Variants in BSDC1 observed in about 807,000 individuals in gnomAD.
BSDC1 encodes BSD domain containing 1, also known as BSD domain-containing protein 1.
A neutral mutation model predicts 56.0 loss-of-function variants in BSDC1; 29 were observed. That is an observed-to-expected ratio of 0.52 (90% CI 0.39 to 0.71). BSDC1 has a LOEUF of 0.71. Among genes scored for constraint, BSDC1 ranks in the 30% least tolerant of loss-of-function variants. The pLI, the probability that BSDC1 is intolerant of heterozygous loss-of-function variation, is 0.00. For synonymous variants in BSDC1, 210 were observed against 215.3 expected (o/e 0.98, Z 0.21); for missense variants, 477 against 548.5 (o/e 0.87, Z 1.30).
intron 10 of BSDC1, chr1:32,367,452 G>C: frequency 1.0e-6 from 1 of 985,344 alleles, no homozygotes; most frequent in Non-Finnish European, 1.2e-6. Flanking sequence ...CTCCCCCAAG[G>C]CTTCAGTTTC....
chr1:32,370,445 G>A (rs916733742), intron 9 of BSDC1, among the ~76,000 whole-genome samples: 3 of 152,034 alleles, frequency 2.0e-5, no homozygotes, highest in Admixed American at 6.6e-5. Context: ...ACACATAGTT[G>A]GCACTCAATA....
At chr1:32,376,015 C>A (rs1292214072) in intron 9 of BSDC1, among the ~76,000 whole-genome samples, 2 of 152,184 alleles carry the variant, frequency 1.3e-5, no homozygotes, top group Non-Finnish European at 2.9e-5. Context: ...AGCATGGGAT[C>A]TGGCATCAAA....
intron 9 of BSDC1, among the ~76,000 whole-genome samples, chr1:32,369,825 C>G (rs1382630793): frequency 6.6e-6 from 1 of 152,164 alleles, no homozygotes; most frequent in African/African-American, 2.4e-5. Flanking sequence ...CAGAGTCTCG[C>G]TCTGTCACCC....
intron 9 of BSDC1, chr1:32,369,335 G>T: frequency 1.6e-6 from 2 of 1,287,010 alleles, no homozygotes; most frequent in Non-Finnish European, 2.0e-6. Context: ...CTGAGACCTT[G>T]TCTCTAGAAA....
intron 9 of BSDC1, among the ~76,000 whole-genome samples, chr1:32,369,592 C>T (rs955498211): frequency 1.8e-4 from 28 of 152,330 alleles, no homozygotes; most frequent in African/African-American, 6.7e-4. Context: ...AATCTTGTTC[C>T]TCCAGAAACA....
chr1:32,385,776 T>C (rs1642642756), intron 3 of BSDC1, among the ~76,000 whole-genome samples: 1 of 152,070 alleles, frequency 6.6e-6, no homozygotes, highest in Non-Finnish European at 1.5e-5. Flanking sequence ...GAAAATAAGT[T>C]GGTACAACAT....
intron 10 of BSDC1, chr1:32,368,239 C>G: frequency 6.8e-7 from 1 of 1,479,450 alleles, no homozygotes; most frequent in Non-Finnish European, 9.0e-7. Flanking sequence ...GAACTTGACC[C>G]TCTATCCACC....
intron 4 of BSDC1, among the ~76,000 whole-genome samples, chr1:32,383,091 C>T (rs899369510): frequency 1.3e-5 from 2 of 151,848 alleles, no homozygotes; most frequent in East Asian, 1.9e-4. Flanking sequence ...AAATATGCAA[C>T]ATGAAGGAAA....
chr1:32,368,691 C>A, intron 9 of BSDC1, 141 bp from the exon 10 acceptor site: 2 of 1,241,540 alleles, frequency 1.6e-6, no homozygotes, highest in Non-Finnish European at 2.2e-6. Flanking sequence ...CTCTGGCGCA[C>A]CAATCGTACT....
chr1:32,376,297 C>G lies in BSDC1; in HGVS notation c.1121G>C (p.Ser374Thr). 6.4e-7 allele frequency: 1 copy of G among 1,569,630 alleles called. No individual in the cohort carries two copies. Among genetic ancestry groups the G allele is most frequent in the South Asian group, 1.2e-5 (1 of 86,854 alleles). Residue 374 changes from serine (S) to threonine (T), a missense_variant, in exon 9 of 11, where the codon AGT (serine) becomes ACT (threonine). Ser to Thr is a moderately conservative substitution (Grantham distance 58). Coordinates refer to ENST00000455895, the MANE Select transcript of BSDC1 (RefSeq NM_018045.8). ...ATTGTTGGAGGGTGTAGACTTCCCA[C>G]TATCCGAGTTCAGCTCAAACACCCG... ...DLRVFELNSD[S>T]GKSTPSNNGK...
chr1:32,376,355 C>A lies in BSDC1; in HGVS notation c.1063G>T (p.Glu355Ter). The A allele has an allele frequency of 6.2e-7, 1 of 1,612,990 alleles. No individual in the cohort carries two copies. The highest frequency in any genetic ancestry group is 1.7e-5 in the Admixed American group (1 of 59,954). The change falls in exon 9 of 11, where the codon GAG becomes TAG. Residue 355 changes from glutamate (E) to a stop codon, truncating the protein, a stop_gained. Coordinates refer to ENST00000455895, the MANE Select transcript of BSDC1 (RefSeq NM_018045.8). LOFTEE classifies it high-confidence loss of function. ...GPEPRPPARV[E>*]TLREEAPTDL... is the part of the protein sequence containing the mutation. ...GTGGGCGCCTCCTCCCTCAGAGTCTCTACTCTGGCTGGAGGCCTGGGCTCT... is the reference window on the plus strand; with the variant it reads ...GTGGGCGCCTCCTCCCTCAGAGTCTATACTCTGGCTGGAGGCCTGGGCTCT...
intron 9 of BSDC1, chr1:32,369,366 G>A (rs144272092): frequency 1.7e-6 from 2 of 1,191,170 alleles, no homozygotes; most frequent in Non-Finnish European, 2.2e-6. Flanking sequence ...AATTAGCCAG[G>A]CATGGTAGTA....
At chr1:32,383,271 C>T (rs1033671473) in intron 4 of BSDC1, among the ~76,000 whole-genome samples, 4 of 152,036 alleles carry the variant, frequency 2.6e-5, no homozygotes, top group African/African-American at 4.8e-5. Context: ...AGTGAGACCC[C>T]GTTTCTACCA....
intron 9 of BSDC1, among the ~76,000 whole-genome samples, chr1:32,372,567 C>CA (rs1253589765): frequency 3.9e-5 from 6 of 152,164 alleles, no homozygotes; most frequent in Non-Finnish European, 7.4e-5. Context: ...TCAGGTGGTG[C>CA]AGGGAGCTGT....
chr1:32,373,523 TCTTTC>T (rs1253884775), intron 9 of BSDC1, among the ~76,000 whole-genome samples: 1 of 152,140 alleles, frequency 6.6e-6, no homozygotes, highest in Non-Finnish European at 1.5e-5. Flanking sequence ...TACTTTCTTT[TCTTTC>T]CTATTTTTTT....
intron 2 of BSDC1, 139 bp downstream of exon 2, chr1:32,393,941 A>T: frequency 1.4e-6 from 1 of 723,754 alleles, no homozygotes; most frequent in Non-Finnish European, 2.3e-6. Flanking sequence ...GTGGACCGGT[A>T]GAGGCTAAAA....
chr1:32,394,198 T>G, intron 1 of BSDC1, 58 bp from the exon 2 acceptor site: 1 of 1,583,088 alleles, frequency 6.3e-7, no homozygotes, highest in Non-Finnish European at 8.6e-7. Flanking sequence ...CGCCCAAGGA[T>G]CCGGTTTGTT....
At chr1:32,369,720 G>A (rs140002929) in intron 9 of BSDC1, among the ~76,000 whole-genome samples, 34 of 152,226 alleles carry the variant, frequency 2.2e-4, no homozygotes, top group African/African-American at 7.0e-4. Context: ...TGCTCAAATC[G>A]TACCTTCTAG....
intron 3 of BSDC1, 43 bp from the exon 4 acceptor site, chr1:32,384,040 G>C: frequency 6.2e-7 from 1 of 1,612,396 alleles, no homozygotes; most frequent in Non-Finnish European, 8.5e-7. Flanking sequence ...CCCGGGAACA[G>C]GCTGCAATCT....
Sources: allele counts gnomAD v4.1 joint callset (sites outside exome capture counted in the v4.1 genomes callset), GRCh38; gene constraint gnomAD v4.1.1; transcripts MANE v1.5; gene names NCBI Gene and HGNC (gene_info 2026-07-23, HGNC 2026-07-21).